MGLL: variants seen among roughly 807,000 people sequenced by gnomAD.
MGLL encodes the protein monoglyceride lipase, also known as lysophospholipase homolog.
A neutral mutation model predicts 29.1 loss-of-function variants in MGLL; 7 were observed. The ratio of observed to expected loss-of-function variants is 0.24; its 90% CI spans 0.14 to 0.45. MGLL has a LOEUF of 0.45. Among genes scored for constraint, MGLL ranks in the 20% least tolerant of loss-of-function variants. The pLI is 0.99. For synonymous variants in MGLL, 148 were observed against 168.3 expected (o/e 0.88, Z 0.93); for missense variants, 356 against 413.6 (o/e 0.86, Z 1.21).
chr3:127,696,307 ATC>A (rs10550786), intron 6 of MGLL, among the ~76,000 whole-genome samples: 21,688 of 146,880 alleles, frequency 0.15, 1,892 homozygotes, highest in East Asian at 0.3. Context: ...CACTGCCCTG[ATC>A]TCTCTAGCAT....
intron 2 of MGLL, among the ~76,000 whole-genome samples, chr3:127,795,813 A>G (rs528966941): frequency 5.3e-5 from 8 of 152,234 alleles, no homozygotes; most frequent in Non-Finnish European, 1.2e-4. Context: ...GGGTCATTGC[A>G]CAAAAATAGA....
intron 6 of MGLL, among the ~76,000 whole-genome samples, chr3:127,703,532 G>C (rs1158896180): frequency 6.6e-6 from 1 of 152,194 alleles, no homozygotes; most frequent in East Asian, 1.9e-4. Context: ...TTCCTCTTGG[G>C]CAACCCAGGC....
intron 7 of MGLL, among the ~76,000 whole-genome samples, chr3:127,693,392 C>T (rs570229923): frequency 6.6e-6 from 1 of 152,336 alleles, no homozygotes; most frequent in South Asian, 2.1e-4. Flanking sequence ...TTGAAATGCT[C>T]ATGTGGCTTC....
intron 7 of MGLL, among the ~76,000 whole-genome samples, 184 bp from the exon 8 acceptor site, chr3:127,692,507 G>A (rs2107574502): frequency 6.6e-6 from 1 of 152,324 alleles, no homozygotes; most frequent in Middle Eastern, 3.4e-3. Flanking sequence ...TGGTTCAAAT[G>A]TGTTACAATG....
At chr3:127,746,807 C>T (rs1225041713) in intron 3 of MGLL, among the ~76,000 whole-genome samples, 1 of 152,176 alleles carries the variant, frequency 6.6e-6, no homozygotes, top group African/African-American at 2.4e-5. Context: ...CACCCCCAGC[C>T]CCCAATCTCC....
At chr3:127,779,099 C>T (rs2107705845) in intron 3 of MGLL, among the ~76,000 whole-genome samples, 1 of 142,246 alleles carries the variant, frequency 7.0e-6, no homozygotes, top group African/African-American at 2.5e-5. Flanking sequence ...GGTGCAGTGG[C>T]TCACGCCTGT....
chr3:127,776,641 G>T (rs1460341414), intron 3 of MGLL, among the ~76,000 whole-genome samples: 1 of 152,132 alleles, frequency 6.6e-6, no homozygotes, highest in Non-Finnish European at 1.5e-5. Context: ...GCACTTACGG[G>T]CTCTCCACCT....
intron 3 of MGLL, among the ~76,000 whole-genome samples, chr3:127,768,603 G>A (rs2076897214): frequency 6.6e-6 from 1 of 152,164 alleles, no homozygotes; most frequent in Non-Finnish European, 1.5e-5. Flanking sequence ...AGATGACTAA[G>A]TAAGGGAGTA....
At chr3:127,742,613 A>AAAAAAC (rs2076365339) in intron 3 of MGLL, among the ~76,000 whole-genome samples, 1 of 145,676 alleles carries the variant, frequency 6.9e-6, no homozygotes, top group African/African-American at 2.5e-5. Flanking sequence ...AAAAAAAAAA[A>AAAAAAC]GCTACAGAAG....
intron 3 of MGLL, among the ~76,000 whole-genome samples, chr3:127,734,561 T>C (rs2076211263): frequency 6.6e-6 from 1 of 152,070 alleles, no homozygotes; most frequent in African/African-American, 2.4e-5. Context: ...CCCTCCAGAG[T>C]GGCTGCACAG....
chr3:127,692,975 T>C (rs2075276279), intron 7 of MGLL, among the ~76,000 whole-genome samples: 1 of 152,212 alleles, frequency 6.6e-6, no homozygotes, highest in African/African-American at 2.4e-5. Context: ...CCTTGTCCAG[T>C]CCAGTGGTTT....
intron 5 of MGLL, among the ~76,000 whole-genome samples, chr3:127,716,477 C>T (rs756667164): frequency 2.0e-5 from 3 of 152,254 alleles, no homozygotes; most frequent in Non-Finnish European, 2.9e-5. Flanking sequence ...AAGCACGTGA[C>T]GTGCAGCTTT....
At chr3:127,781,022 A>G (rs993430690) in intron 3 of MGLL, among the ~76,000 whole-genome samples, 2 of 152,182 alleles carry the variant, frequency 1.3e-5, no homozygotes, top group African/African-American at 4.8e-5. Context: ...TTGGATTTTG[A>G]TGGTTGTGGA....
At chr3:127,696,948 T>C (rs982653870) in intron 6 of MGLL, among the ~76,000 whole-genome samples, 11 of 152,210 alleles carry the variant, frequency 7.2e-5, no homozygotes, top group Non-Finnish European at 1.3e-4. Flanking sequence ...CGGCCAGAAT[T>C]CTGGACCACA....
intron 2 of MGLL, among the ~76,000 whole-genome samples, chr3:127,815,352 C>T (rs933238932): frequency 6.6e-6 from 1 of 152,202 alleles, no homozygotes; most frequent in Admixed American, 6.5e-5. Context: ...ATCCCACATT[C>T]CCACACCCTC....
intron 3 of MGLL, among the ~76,000 whole-genome samples, chr3:127,775,329 C>T (rs1424952407): frequency 1.3e-5 from 2 of 152,210 alleles, no homozygotes; most frequent in East Asian, 1.9e-4. Flanking sequence ...ATTTTTCAAA[C>T]GTTTCAAACA....
chr3:127,804,301 G>GGGTT lies in MGLL; in HGVS notation c.155+17389_155+17392dup, dbSNP rs201248883. Reference sequence around the variant, plus strand: ...GCCCAGGAGGCCGGCAGTGAGCAGAGGGTTGCAGGGCCACGGGGCGGACCA... The same window carrying GGGTT: ...GCCCAGGAGGCCGGCAGTGAGCAGAGGGTTGGTTGCAGGGCCACGGGGCGGACCA... On this transcript the variant is annotated intron_variant, in intron 2 of 7. Transcript: ENST00000265052. Among the ~76,000 whole-genome samples the GGGTT allele has an allele frequency of 3.9e-3, 595 of 152,350 alleles. 17 individuals carry two copies. The highest frequency in any genetic ancestry group is 0.035 in the Admixed American group (542 of 15,306).
chr3:127,710,935 G>A (rs1174312381), intron 5 of MGLL: 2 of 494,260 alleles, frequency 4.0e-6, no homozygotes, highest in Non-Finnish European at 7.4e-6. Context: ...AATTTTGCCC[G>A]CTCTATACCC....
In MGLL at chr3:127,821,679, C is replaced by T; in HGVS notation, c.155+15G>A. 1 of 1,613,976 alleles carries T rather than the reference C, an allele frequency of 6.2e-7. No homozygotes were observed. On this transcript the variant is annotated intron_variant, in intron 2 of 7. Transcript: ENST00000265052. ...CTCCCCTGTCACCTGGGGTGACTTT[C>T]TGGGGAAGACTTACTTGGGTGTGCC... is the stretch of plus-strand genomic sequence containing the variant.
Sources: allele counts gnomAD v4.1 joint callset (sites outside exome capture counted in the v4.1 genomes callset), GRCh38; gene constraint gnomAD v4.1.1; transcripts MANE v1.5; gene names NCBI Gene and HGNC (gene_info 2026-07-23, HGNC 2026-07-21).